TNFRSF19: variants seen among roughly 807,000 people sequenced by gnomAD.
The protein encoded by TNFRSF19 is tumor necrosis factor receptor superfamily member 19.
TNFRSF19 carries 27 observed loss-of-function variants against 46.4 expected under a neutral mutation model. The ratio of observed to expected loss-of-function variants is 0.58; its 90% CI spans 0.43 to 0.80. TNFRSF19 has a LOEUF of 0.80. Among genes scored for constraint, TNFRSF19 ranks in the 30% least tolerant of loss-of-function variants. The pLI is 0.00. For synonymous variants in TNFRSF19, 204 were observed against 205.0 expected (o/e 1.00, Z 0.04); for missense variants, 511 against 530.8 (o/e 0.96, Z 0.37).
intron 1 of TNFRSF19, among the ~76,000 whole-genome samples, chr13:23,576,961 G>A (rs1305280179): frequency 6.6e-6 from 1 of 152,194 alleles, no homozygotes; most frequent in Non-Finnish European, 1.5e-5. Flanking sequence ...TTTATTGATT[G>A]ATGCTAGGCA....
rs1045181025 is a variant in TNFRSF19 at position 23,659,496 on chromosome 13, A to T, written c.610+282A>T. ...AGTTGGTTAATACATCTTGTTTATT[A>T]TATGTTTCTTTGTTTTTTTGTTTTT... On this transcript the variant is annotated intron_variant, in intron 6 of 9. Transcript: ENST00000248484. This position sits in a 1 kb window ranked among gnomAD's most constrained non-coding sequence, Gnocchi z 4.9. 1.3e-5 allele frequency among the ~76,000 whole-genome samples: 2 copies of T among 152,018 alleles called. No homozygotes were observed. Among genetic ancestry groups the T allele is most frequent in the East Asian group, 1.9e-4 (1 of 5,184 alleles).
chr13:23,667,862 C>G, intron 7 of TNFRSF19, 118 bp from the exon 8 acceptor site: 4 of 788,932 alleles, frequency 5.1e-6, no homozygotes, highest in African/African-American at 1.8e-5. Flanking sequence ...TATTCCTTTT[C>G]CCCCAAAAGT....
chr13:23,616,352 C>A (rs1248248338), intron 4 of TNFRSF19, among the ~76,000 whole-genome samples: 1 of 152,278 alleles, frequency 6.6e-6, no homozygotes, highest in African/African-American at 2.4e-5. Context: ...CAAAAATGAA[C>A]AAGCAACCCA....
intron 5 of TNFRSF19, among the ~76,000 whole-genome samples, chr13:23,630,915 G>A (rs897080980): frequency 3.9e-5 from 6 of 151,924 alleles, no homozygotes; most frequent in Non-Finnish European, 4.4e-5. Context: ...CTTTGTTCTC[G>A]GGGGCTTTGT....
intron 5 of TNFRSF19, among the ~76,000 whole-genome samples, chr13:23,652,723 C>T (rs982244006): frequency 6.6e-6 from 1 of 152,228 alleles, no homozygotes; most frequent in Non-Finnish European, 1.5e-5. Flanking sequence ...GGTTATTAGA[C>T]AACCAATGAA....
chr13:23,621,522 A>T (rs1029060558), intron 4 of TNFRSF19, among the ~76,000 whole-genome samples: 2 of 152,214 alleles, frequency 1.3e-5, no homozygotes, highest in African/African-American at 4.8e-5. Flanking sequence ...GTGTTAAGTG[A>T]GGTCATTGTA....
chr13:23,585,829 C>T (rs1878784051), intron 1 of TNFRSF19, among the ~76,000 whole-genome samples: 1 of 152,104 alleles, frequency 6.6e-6, no homozygotes, highest in African/African-American at 2.4e-5. Flanking sequence ...ATATGTCCTT[C>T]CGTGTAAGGG....
chr13:23,577,733 C>T (rs968191929), intron 1 of TNFRSF19, among the ~76,000 whole-genome samples: 2 of 152,142 alleles, frequency 1.3e-5, no homozygotes, highest in African/African-American at 4.8e-5. Context: ...AAGGGCCACG[C>T]GGCGCAGTTT....
At chr13:23,597,143 G>A (rs1027575862) in intron 3 of TNFRSF19, among the ~76,000 whole-genome samples, 1 of 152,148 alleles carries the variant, frequency 6.6e-6, no homozygotes, top group Non-Finnish European at 1.5e-5. Context: ...GGAGAAAGTG[G>A]AAAAGATCTA....
At chr13:23,586,702 C>G (rs1878868780) in intron 1 of TNFRSF19, among the ~76,000 whole-genome samples, 2 of 152,172 alleles carry the variant, frequency 1.3e-5, no homozygotes, top group Non-Finnish European at 2.9e-5. Flanking sequence ...GTGTTAGTTA[C>G]CATTCACTCA....
chr13:23,618,297 C>G (rs1335968494), intron 4 of TNFRSF19, among the ~76,000 whole-genome samples: 1 of 151,974 alleles, frequency 6.6e-6, no homozygotes, highest in Non-Finnish European at 1.5e-5. Flanking sequence ...TCTTACAACT[C>G]AATAATAAAA....
chr13:23,605,973 T>C (rs1304819427), intron 3 of TNFRSF19, among the ~76,000 whole-genome samples: 1 of 152,146 alleles, frequency 6.6e-6, no homozygotes, highest in East Asian at 1.9e-4. Context: ...CAGTGATGTG[T>C]TCATAGATTG....
chr13:23,586,102 C>A (rs1461375944), intron 1 of TNFRSF19, among the ~76,000 whole-genome samples: 2 of 151,574 alleles, frequency 1.3e-5, no homozygotes, highest in Non-Finnish European at 1.5e-5. Flanking sequence ...ACTAAAAATA[C>A]AAAAAATTAT....
chr13:23,574,257 C>T (rs1027802251), intron 1 of TNFRSF19, among the ~76,000 whole-genome samples: 1 of 151,988 alleles, frequency 6.6e-6, no homozygotes. Flanking sequence ...TTAATTCACT[C>T]ATTATCAATT....
At chr13:23,635,539 C>T (rs1334267484) in intron 5 of TNFRSF19, among the ~76,000 whole-genome samples, 4 of 151,888 alleles carry the variant, frequency 2.6e-5, no homozygotes, top group African/African-American at 7.3e-5. Flanking sequence ...CCACCATGCC[C>T]GGCTAATTTG....
intron 1 of TNFRSF19, among the ~76,000 whole-genome samples, chr13:23,584,513 A>G (rs1186479436): frequency 6.6e-6 from 1 of 151,998 alleles, no homozygotes; most frequent in African/African-American, 2.4e-5. Flanking sequence ...TTTTGCAACT[A>G]CGAATTGTGC....
intron 5 of TNFRSF19, among the ~76,000 whole-genome samples, chr13:23,645,669 G>T (rs546392647): frequency 6.6e-6 from 1 of 152,158 alleles, no homozygotes; most frequent in South Asian, 2.1e-4. Context: ...CCTGCATTCT[G>T]CCCTGGGTCC....
chr13:23,649,924 G>T (rs1883538069), intron 5 of TNFRSF19, among the ~76,000 whole-genome samples: 1 of 152,134 alleles, frequency 6.6e-6, no homozygotes, highest in Non-Finnish European at 1.5e-5. Context: ...TACTTTGTAT[G>T]ATTTCTGTCT....
At chr13:23,613,207 T>C (rs1467775600) in intron 3 of TNFRSF19, among the ~76,000 whole-genome samples, 1 of 152,266 alleles carries the variant, frequency 6.6e-6, no homozygotes, top group Non-Finnish European at 1.5e-5. Context: ...CTAACACTTA[T>C]AGGTATAATT....
Sources: allele counts gnomAD v4.1 joint callset (sites outside exome capture counted in the v4.1 genomes callset), GRCh38; gene constraint gnomAD v4.1.1; non-coding constraint Gnocchi (gnomAD v3.1); transcripts MANE v1.5; gene names NCBI Gene and HGNC (gene_info 2026-07-23, HGNC 2026-07-21).